The following CDHR3 variants were observed in gnomAD, a reference collection of about 807,000 sequenced individuals.
CDHR3 encodes the protein cadherin-related family member 3.
A neutral mutation model predicts 86.6 loss-of-function variants in CDHR3; 79 were observed. The ratio of observed to expected loss-of-function variants is 0.91; its 90% confidence interval spans 0.76 to 1.10. CDHR3 has a LOEUF of 1.10. CDHR3 is among the 50% of genes least tolerant of loss of function. The pLI is 0.00. For missense variants in CDHR3, 1,081 were observed against 1,077.6 expected, an observed-to-expected ratio of 1.00 and a Z score of -0.04; for synonymous variants, 421 against 402.4, an observed-to-expected ratio of 1.05 and a Z score of -0.55.
At chr7:105,995,306 T>C (rs151237259) in intron 5 of CDHR3, among the ~76,000 whole-genome samples, 12 of 151,938 alleles carry the variant, frequency 7.9e-5, no homozygotes, top group African/African-American at 1.5e-4. Context: ...TTGTAAACCA[T>C]ACATAGTATA....
At chr7:106,000,923 G>GA (rs1563267884) in intron 6 of CDHR3, among the ~76,000 whole-genome samples, 1 of 62,072 alleles carries the variant, frequency 1.6e-5, no homozygotes, top group Non-Finnish European at 4.1e-5. Flanking sequence ...AAAAAGACAA[G>GA]GAAGAAAAAA....
At position 105,984,200 on chromosome 7, in the gene CDHR3, C is replaced by A. The variant is rs775501689; in HGVS notation, c.424C>A (p.Leu142Ile). 4.4e-6 allele frequency: 7 copies of A among 1,603,210 alleles called. No homozygotes were observed. The Admixed American group carries it at 1.2e-4, about 27-fold the overall frequency. ...TTTGGACACTGGTCTAGGTCTACAC[C>A]TCTACATAGTAGAAAGAGCAAACCC... ...FQGNLAEGLH[L>I]YIVERANPGF... The change falls in exon 4 of 19, where the codon CTC (leucine) becomes ATC (isoleucine). Residue 142 changes from leucine to isoleucine, a missense_variant. By Grantham distance (5) the Leu-to-Ile change is conservative. Coordinates refer to ENST00000317716, the MANE Select transcript of CDHR3 (RefSeq NM_152750.5).
At chr7:105,969,172 G>A (rs1218153113) in intron 1 of CDHR3, among the ~76,000 whole-genome samples, 9 of 147,944 alleles carry the variant, frequency 6.1e-5, no homozygotes, top group South Asian at 4.4e-4. Flanking sequence ...CGAGGCGGGC[G>A]GATCACGAGG....
intron 3 of CDHR3, among the ~76,000 whole-genome samples, chr7:105,983,769 T>A (rs1280050783): frequency 6.6e-6 from 1 of 152,136 alleles, no homozygotes; most frequent in Admixed American, 6.5e-5. Flanking sequence ...TTCTGCGGAG[T>A]TGCCAAGTGT....
intron 1 of CDHR3, among the ~76,000 whole-genome samples, chr7:105,970,568 G>C (rs547052381): frequency 7.9e-4 from 120 of 152,302 alleles, no homozygotes; most frequent in African/African-American, 2.7e-3. Flanking sequence ...TGGAAGACCA[G>C]CCATGGAAGG....
At chr7:105,976,927 T>C (rs1167909497) in intron 2 of CDHR3, among the ~76,000 whole-genome samples, 1 of 152,100 alleles carries the variant, frequency 6.6e-6, no homozygotes, top group African/African-American at 2.4e-5. Context: ...ATGAAGATGA[T>C]CATGTTCCTT....
Position 105,997,372 on chromosome 7 carries a change from CA to C in CDHR3, c.713+1019del, listed in dbSNP as rs367739718. On this transcript the variant is annotated intron_variant, in intron 6 of 18. Coordinates refer to ENST00000317716, the MANE Select transcript of CDHR3 (RefSeq NM_152750.5). ...TGCTCCAGCCCTGCAGCCTGGGCTG[CA>C]GTTCCTTTTTCAATCCTTGACCCTC... Among the ~76,000 whole-genome samples, 488 of 152,242 alleles carry C rather than the reference CA, an allele frequency of 3.2e-3. 2 individuals are homozygous for C. The highest frequency in any genetic ancestry group is 0.011 in the African/African-American group (467 of 41,544).
chr7:105,992,424 C>T (rs1293145726), intron 4 of CDHR3, among the ~76,000 whole-genome samples: 1 of 152,190 alleles, frequency 6.6e-6, no homozygotes, highest in Non-Finnish European at 1.5e-5. Flanking sequence ...CAACTTCAGG[C>T]CTAGGCAATT....
At chr7:105,964,617 G>T (rs1022468050) in intron 1 of CDHR3, among the ~76,000 whole-genome samples, 1 of 151,670 alleles carries the variant, frequency 6.6e-6, no homozygotes, top group East Asian at 1.9e-4. Flanking sequence ...ATTAATATAA[G>T]AATATTACAG....
chr7:105,980,240 A>G (rs978373475), intron 2 of CDHR3, among the ~76,000 whole-genome samples: 4 of 152,208 alleles, frequency 2.6e-5, no homozygotes, highest in Non-Finnish European at 5.9e-5. Flanking sequence ...CTTAACGGCA[A>G]TCCCAGGAAA....
intron 8 of CDHR3, 37 bp downstream of exon 8, chr7:106,004,724 C>T (rs1363831903): frequency 4.4e-6 from 7 of 1,602,826 alleles, no homozygotes; most frequent in Non-Finnish European, 6.0e-6. Context: ...GACATTCTAT[C>T]TCTTTGGTGG....
intron 8 of CDHR3, among the ~76,000 whole-genome samples, chr7:106,012,243 C>A (rs1310140857): frequency 1.3e-5 from 2 of 151,838 alleles, no homozygotes; most frequent in Non-Finnish European, 2.9e-5. Flanking sequence ...TATGGTGTAC[C>A]AGATAATGAT....
At chr7:105,980,910 T>A (rs976806430) in intron 2 of CDHR3, 58 bp from the exon 3 acceptor site, 2 of 1,478,750 alleles carry the variant, frequency 1.4e-6, no homozygotes, top group East Asian at 4.8e-5. Flanking sequence ...GCAAAGTGCA[T>A]GCATGCAAAA....
At position 106,022,420 on chromosome 7, in the gene CDHR3, C is replaced by T. The variant is rs746142690; in HGVS notation, c.2048C>T (p.Pro683Leu). ...CTGAGTATTAAAGTCATTCCCCACC[C>T]AACCACTATCATCACCACGACCCCC... ...VTLSIKVIPH[P>L]TTIITTTPRP... Residue 683 changes from proline to leucine, a missense_variant, in exon 14 of 19, where the codon CCA becomes CTA. Pro to Leu is a moderately conservative substitution (Grantham distance 98, BLOSUM62 -3). Coordinates refer to ENST00000317716, the MANE Select transcript of CDHR3 (RefSeq NM_152750.5). 6 of 1,613,984 alleles carry T rather than the reference C, an allele frequency of 3.7e-6. No individual in the cohort carries two copies. The highest frequency in any genetic ancestry group is 3.3e-4 in the Middle Eastern group (2 of 6,062).
chr7:106,001,718 C>A, intron 7 of CDHR3, 108 bp downstream of exon 7: 1 of 1,388,672 alleles, frequency 7.2e-7, no homozygotes, highest in Non-Finnish European at 9.9e-7. Flanking sequence ...CTAGGATGCA[C>A]CGTGGATACC....
At chr7:106,004,742 C>A in intron 8 of CDHR3, 55 bp downstream of exon 8, 1 of 1,525,152 alleles carries the variant, frequency 6.6e-7, no homozygotes, top group Non-Finnish European at 9.1e-7. Context: ...TGGCCCTCTG[C>A]CCTTCTGCTT....
chr7:105,978,031 C>T (rs35186565), intron 2 of CDHR3, among the ~76,000 whole-genome samples: 17,922 of 152,176 alleles, frequency 0.12, 1,232 homozygotes, highest in South Asian at 0.18. Context: ...TGTACTGTTG[C>T]TTGCACACTG....
chr7:105,985,936 T>C (rs1830456816), intron 4 of CDHR3, among the ~76,000 whole-genome samples: 1 of 152,238 alleles, frequency 6.6e-6, no homozygotes, highest in Non-Finnish European at 1.5e-5. Context: ...GTGCATCTGC[T>C]ACCATCAGGA....
At chr7:106,021,098 T>C (rs1482100096) in intron 13 of CDHR3, among the ~76,000 whole-genome samples, 1 of 152,202 alleles carries the variant, frequency 6.6e-6, no homozygotes, top group African/African-American at 2.4e-5. Flanking sequence ...TAAGTGCGTT[T>C]TGAAACGTGT....
Sources: allele counts gnomAD v4.1 joint callset (sites outside exome capture counted in the v4.1 genomes callset), GRCh38; gene constraint gnomAD v4.1.1; transcripts MANE v1.5; gene names NCBI Gene and HGNC (gene_info 2026-07-23, HGNC 2026-07-21).